EIF4E2: variants seen among roughly 807,000 people sequenced by gnomAD.
The protein encoded by EIF4E2 is eukaryotic translation initiation factor 4E type 2.
In EIF4E2, 13 loss-of-function variants were observed where a neutral mutation model predicts 34.2. The observed-to-expected ratio is 0.38, with a 90% confidence interval of 0.25 to 0.60. EIF4E2 has a LOEUF of 0.60. Among genes scored for constraint, EIF4E2 ranks in the 20% least tolerant of loss-of-function variants. EIF4E2 has a pLI of 0.62. For synonymous variants in EIF4E2, 100 were observed against 106.6 expected, an observed-to-expected ratio of 0.94 and a Z score of 0.38; for missense variants, 222 against 315.1, an observed-to-expected ratio of 0.70 and a Z score of 2.24.
intron 3 of EIF4E2, among the ~76,000 whole-genome samples, chr2:232,560,890 G>T (rs1239682089): frequency 6.6e-6 from 1 of 152,144 alleles, no homozygotes; most frequent in Non-Finnish European, 1.5e-5. Context: ...ACTACCTTGT[G>T]CACTGGTTCA....
intron 3 of EIF4E2, among the ~76,000 whole-genome samples, chr2:232,562,350 G>A (rs1437832716): frequency 6.6e-6 from 1 of 152,202 alleles, no homozygotes; most frequent in African/African-American, 2.4e-5. Flanking sequence ...GAAGGCCAAG[G>A]CAGGTGGATC....
rs150972908 is a variant in EIF4E2 at position 232,553,466 on chromosome 2, T to C, written c.20+2722T>C. Among the ~76,000 whole-genome samples the C allele has an allele frequency of 4.6e-3, 703 of 152,326 alleles. 6 individuals are homozygous for C. The highest frequency in any genetic ancestry group is 0.024 in the East Asian group (126 of 5,192). ...CTGATGGTGAGGGTATAAAGATGAA[T>C]TGAACCAAGGTCCTGCCCACAAGGT... On this transcript the variant is annotated intron_variant, in intron 1 of 6. Coordinates refer to ENST00000258416, the MANE Select transcript of EIF4E2 (RefSeq NM_004846.4).
At chr2:232,571,630 GT>G (rs1559321577), downstream of EIF4E2, among the ~76,000 whole-genome samples, 1 of 152,236 alleles carries the variant, frequency 6.6e-6, no homozygotes, top group East Asian at 1.9e-4. Context: ...GGAGTGGAGG[GT>G]GGGTGATTCT....
intron 2 of EIF4E2, among the ~76,000 whole-genome samples, chr2:232,557,022 G>A (rs1305832669): frequency 6.6e-6 from 1 of 152,160 alleles, no homozygotes; most frequent in African/African-American, 2.4e-5. Flanking sequence ...CAAGGTGGGT[G>A]GATCACTAGG....
intron 1 of EIF4E2, among the ~76,000 whole-genome samples, chr2:232,552,190 G>T (rs1194806817): frequency 1.3e-5 from 2 of 151,970 alleles, no homozygotes; most frequent in African/African-American, 4.8e-5. Context: ...ACTTCCACAG[G>T]GATCTTGCTA....
At position 232,559,618 on chromosome 2, in the gene EIF4E2, A is replaced by G. The variant is rs1692650018; in HGVS notation, c.270+1600A>G. 3.3e-5 allele frequency among the ~76,000 whole-genome samples: 5 copies of G among 152,216 alleles called. No individual in the cohort carries two copies. In the South Asian group the frequency reaches 1.0e-3, roughly 32 times the overall value. ...ATTATCCATGTTTTACAAATGAGGA[A>G]AGTAAAACTTGGGTTAAGTGTCTGA... On this transcript the variant is annotated intron_variant, in intron 3 of 6. Coordinates refer to ENST00000258416, the MANE Select transcript of EIF4E2 (RefSeq NM_004846.4).
chr2:232,576,082 T>C (rs1040615315), intron 6 of EIF4E2, among the ~76,000 whole-genome samples: 11 of 152,130 alleles, frequency 7.2e-5, no homozygotes, highest in African/African-American at 2.4e-4. Context: ...CACACACCTG[T>C]TGTCCCAGCT....
At chr2:232,573,707 A>C (rs1209224999), downstream of EIF4E2, 1 of 188,522 alleles carries the variant, frequency 5.3e-6, no homozygotes, top group African/African-American at 2.4e-5. Flanking sequence ...CTTAAGAAAC[A>C]GGTGGAACCT....
intron 3 of EIF4E2, among the ~76,000 whole-genome samples, chr2:232,559,663 G>T (rs1559315183): frequency 1.3e-5 from 2 of 152,014 alleles, no homozygotes; most frequent in African/African-American, 2.4e-5. Flanking sequence ...TCAAGTTATG[G>T]TGGGGCACGG....
At position 232,566,997 on chromosome 2, in the gene EIF4E2, G is replaced by A; in HGVS notation, c.528+16G>A. 1 of 1,589,856 alleles carries A rather than the reference G, an allele frequency of 6.3e-7. No individual in the cohort carries two copies. The highest frequency in any genetic ancestry group is 2.2e-5 in the East Asian group (1 of 44,680). ...CCGCTTTCAGGTAAGCCACCCATGA[G>A]CCAGGCTGGTTTCTTGTGTTGCCTT... On this transcript the variant is annotated intron_variant, in intron 5 of 6. Coordinates refer to ENST00000258416, the MANE Select transcript of EIF4E2 (RefSeq NM_004846.4). This position sits in a 1 kb window ranked among gnomAD's most constrained non-coding sequence, Gnocchi z 4.9.
At chr2:232,556,721 A>G in intron 2 of EIF4E2, 191 bp downstream of exon 2, 2 of 542,626 alleles carry the variant, frequency 3.7e-6, no homozygotes, top group Non-Finnish European at 6.7e-6. Context: ...CTCTTGCCAC[A>G]GAATCTTGAG....
At chr2:232,571,432 C>T (rs1004246157), downstream of EIF4E2, among the ~76,000 whole-genome samples, 1 of 152,212 alleles carries the variant, frequency 6.6e-6, no homozygotes, top group African/African-American at 2.4e-5. Flanking sequence ...CAGTCAGAAT[C>T]GTGGGGCTAC....
chr2:232,576,959 G>A (rs1693236967), intron 6 of EIF4E2, among the ~76,000 whole-genome samples: 1 of 152,110 alleles, frequency 6.6e-6, no homozygotes, highest in Non-Finnish European at 1.5e-5. Context: ...GTCATTACCT[G>A]TGACTGTTAG....
intron 1 of EIF4E2, among the ~76,000 whole-genome samples, chr2:232,552,398 A>C (rs1431922167): frequency 6.6e-6 from 1 of 152,068 alleles, no homozygotes; most frequent in Non-Finnish European, 1.5e-5. Context: ...TTTTTTGTAG[A>C]GACGGGGTTT....
intron 1 of EIF4E2, among the ~76,000 whole-genome samples, chr2:232,554,182 C>T (rs1692438108): frequency 6.6e-6 from 1 of 152,142 alleles, no homozygotes; most frequent in African/African-American, 2.4e-5. Context: ...CCCAACTCAG[C>T]CTAGGTTGGA....
intron 2 of EIF4E2, chr2:232,557,444 G>A (rs1486443662): frequency 6.0e-6 from 1 of 167,196 alleles, no homozygotes. Context: ...GCCAGGCACT[G>A]TGCTCAGCAT....
chr2:232,575,990 G>A (rs1693203809), intron 6 of EIF4E2, among the ~76,000 whole-genome samples: 1 of 152,242 alleles, frequency 6.6e-6, no homozygotes, highest in Admixed American at 6.5e-5. Context: ...CAGATCACGA[G>A]GTCAAGAGAT....
In EIF4E2 at chr2:232,566,486, A is replaced by G. The variant is rs1043887637; in HGVS notation, c.376-343A>G. ...ATTACGGGCGTGAGCCACTGCGCCC[A>G]GCAGACATTCAGTACTTTTAGCAAG... On this transcript the variant is annotated intron_variant, in intron 4 of 6. Transcript: ENST00000258416. The surrounding 1 kb of genome is among the most constrained non-coding windows in gnomAD (Gnocchi z 4.9). 7.2e-5 allele frequency among the ~76,000 whole-genome samples: 11 copies of G among 152,248 alleles called. No homozygotes were observed. Among genetic ancestry groups the G allele is most frequent in the Admixed American group, 7.2e-4 (11 of 15,290 alleles).
chr2:232,581,593 G>A lies in EIF4E2; in HGVS notation c.*650G>A, dbSNP rs1693361788. On this transcript the variant is annotated 3_prime_UTR_variant, in exon 7 of 7. Coordinates refer to the EIF4E2 transcript ENST00000409098. The surrounding 1 kb of genome is among the most constrained non-coding windows in gnomAD (Gnocchi z 5.2). The stretch of plus-strand genomic sequence containing the variant: ...CAGCTGCACTTAGAATTGTAATCCA[G>A]TGGCTCTCACTGGTTTCACTGAGGC... The A allele has an allele frequency of 6.1e-6, 1 of 164,644 alleles. No individual in the cohort carries two copies. Among genetic ancestry groups the A allele is most frequent in the Non-Finnish European group, 1.3e-5 (1 of 76,138 alleles). The allele number at this position is 164,644 out of a possible 1,614,324, so 10.2% of individuals were successfully genotyped here. A position where few individuals can be genotyped will look rare whatever the true frequency, so the allele number is the denominator to read the frequency against.
Sources: allele counts gnomAD v4.1 joint callset (sites outside exome capture counted in the v4.1 genomes callset), GRCh38; gene constraint gnomAD v4.1.1; non-coding constraint Gnocchi (gnomAD v3.1); transcripts MANE v1.5; gene names NCBI Gene and HGNC (gene_info 2026-07-23, HGNC 2026-07-21).